GPR149: variants seen among roughly 807,000 people sequenced by gnomAD.
GPR149 encodes the protein G protein-coupled receptor 149.
Under a neutral mutation model 50.2 loss-of-function variants are expected in GPR149, and 50 were observed. That is an observed-to-expected ratio of 1.00 (90% CI 0.79 to 1.26). The LOEUF is 1.26. Among genes scored for constraint, GPR149 ranks in the 50% most tolerant of loss-of-function variants. The probability of loss-of-function intolerance (pLI) is 0.00; values close to 1 mark genes in which losing one functional copy is unlikely to be tolerated. For missense variants in GPR149, 983 were observed against 895.4 expected (o/e 1.10, Z -1.25); for synonymous variants, 405 against 358.2 (o/e 1.13, Z -1.48).
At chr3:154,377,803 T>C (rs1714827714) in intron 3 of GPR149, among the ~76,000 whole-genome samples, 1 of 152,204 alleles carries the variant, frequency 6.6e-6, no homozygotes. Context: ...AATCCAGTTT[T>C]AGAACAGTTC....
At position 154,428,724 on chromosome 3, in the gene GPR149, C is replaced by T. The variant is rs751613703; in HGVS notation, c.892G>A (p.Gly298Ser). ...ACGCTCACGGTGAAGCTCCTGGTGC[C>T]ATAGAGAGTCCCCCGGTTCTCACGC... is the stretch of plus-strand genomic sequence containing the variant. ...CRRENRGTLY[G>S]TRSFTVSVAQ... Residue 298 changes from glycine to serine, a missense_variant, in exon 1 of 4, where the codon GGC becomes AGC. Transcript: ENST00000389740. The T allele has an allele frequency of 1.9e-6, 3 of 1,614,160 alleles. No homozygotes were observed. The highest frequency in any genetic ancestry group is 2.5e-6 in the Non-Finnish European group (3 of 1,180,044).
In GPR149 at chr3:154,429,428, T is replaced by A. The variant is rs371797962; in HGVS notation, c.188A>T (p.Asn63Ile). 1 of 1,614,020 alleles carries A rather than the reference T, an allele frequency of 6.2e-7. No homozygotes were observed. Among genetic ancestry groups the A allele is most frequent in the Non-Finnish European group, 8.5e-7 (1 of 1,180,036 alleles). Residue 63 changes from asparagine to isoleucine, a missense_variant, in exon 1 of 4, where the codon AAC becomes ATC. Asn to Ile is a moderately radical substitution (Grantham distance 149). Coordinates refer to ENST00000389740, the MANE Select transcript of GPR149 (RefSeq NM_001038705.3). ...YSLISLLKMQ[N>I]RTVVSMLVAS... ...CACAAGCATGGACACAACAGTTCTG[T>A]TCTGCATTTTCAGCAGGGAAATTAG...
chr3:154,396,005 A>G (rs886721054), intron 3 of GPR149, among the ~76,000 whole-genome samples: 3 of 152,200 alleles, frequency 2.0e-5, no homozygotes, highest in African/African-American at 7.2e-5. Flanking sequence ...CTAAGTCTAA[A>G]AAGCACTGAG....
intron 3 of GPR149, among the ~76,000 whole-genome samples, chr3:154,399,386 C>CTATT (rs1715368021): frequency 6.6e-6 from 1 of 152,128 alleles, no homozygotes; most frequent in South Asian, 2.1e-4. Context: ...CGAATAAATG[C>CTATT]TATTATAAAT....
chr3:154,410,175 A>T (rs1711795660), intron 3 of GPR149, among the ~76,000 whole-genome samples: 1 of 152,174 alleles, frequency 6.6e-6, no homozygotes, highest in Admixed American at 6.5e-5. Flanking sequence ...TCAGACAAAC[A>T]AATGCTGAGA....
intron 3 of GPR149, among the ~76,000 whole-genome samples, chr3:154,369,779 A>G (rs1039261662): frequency 1.3e-5 from 2 of 152,254 alleles, no homozygotes; most frequent in African/African-American, 4.8e-5. Flanking sequence ...CAGTCCTTTG[A>G]TCTAACATGG....
intron 2 of GPR149, 152 bp downstream of exon 2, chr3:154,427,364 T>G: frequency 1.7e-6 from 1 of 605,058 alleles, no homozygotes; most frequent in Non-Finnish European, 2.8e-6. Context: ...GTTGTAGTGA[T>G]TGTTTCATGT....
intron 2 of GPR149, among the ~76,000 whole-genome samples, chr3:154,427,286 T>C (rs374182544): frequency 8.5e-5 from 13 of 152,116 alleles, no homozygotes; most frequent in African/African-American, 3.1e-4. Context: ...CTAAAATAAT[T>C]ATTCAGTACC....
At chr3:154,404,471 A>T (rs1338948873) in intron 3 of GPR149, among the ~76,000 whole-genome samples, 2 of 152,330 alleles carry the variant, frequency 1.3e-5, no homozygotes, top group East Asian at 3.9e-4. Flanking sequence ...ATAATACCCA[A>T]ATCTCACTCC....
intron 3 of GPR149, chr3:154,353,224 A>G (rs1360244306): frequency 1.3e-6 from 2 of 1,525,834 alleles, no homozygotes; most frequent in Non-Finnish European, 1.8e-6. Flanking sequence ...CTCTGAGACC[A>G]ATGACACTGA....
chr3:154,342,020 T>C (rs1255705244), intron 3 of GPR149, among the ~76,000 whole-genome samples: 3 of 152,186 alleles, frequency 2.0e-5, no homozygotes, highest in African/African-American at 7.2e-5. Flanking sequence ...CATTACAAAA[T>C]TAAGTTAGAT....
At position 154,428,887 on chromosome 3, in the gene GPR149, A is replaced by G; in HGVS notation, c.729T>C (p.Pro243=). The part of the protein sequence containing the change: ...SRGASIPGTP[P]TAGRVVSLSP... ...ACAGGGAAACCACTCTCCCCGCAGT[A>G]GGAGGGGTCCCAGGAATTGAAGCTC... The change falls in exon 1 of 4, where the codon CCT becomes CCC. Residue 243 remains proline (P), a synonymous_variant. Transcript: ENST00000389740. 6.2e-7 allele frequency: 1 copy of G among 1,613,990 alleles called. No individual in the cohort carries two copies.
intron 3 of GPR149, among the ~76,000 whole-genome samples, chr3:154,416,031 G>T (rs2108426578): frequency 6.6e-6 from 1 of 151,856 alleles, no homozygotes; most frequent in East Asian, 1.9e-4. Context: ...ACAAGTTTAG[G>T]CATCTTCATT....
intron 3 of GPR149, among the ~76,000 whole-genome samples, chr3:154,340,604 T>C (rs1414406247): frequency 2.6e-5 from 4 of 152,200 alleles, no homozygotes; most frequent in Non-Finnish European, 2.9e-5. Context: ...AATGTAGTAA[T>C]TGAGAGATAG....
intron 3 of GPR149, among the ~76,000 whole-genome samples, chr3:154,359,121 T>C (rs998292467): frequency 6.6e-6 from 1 of 152,192 alleles, no homozygotes; most frequent in Non-Finnish European, 1.5e-5. Context: ...TTCTCAGTTT[T>C]TTTTTGTGCA....
At chr3:154,408,233 T>C (rs936932180) in intron 3 of GPR149, among the ~76,000 whole-genome samples, 1 of 152,190 alleles carries the variant, frequency 6.6e-6, no homozygotes, top group African/African-American at 2.4e-5. Flanking sequence ...CAGCTCCCAC[T>C]CAGATGGACA....
intron 3 of GPR149, among the ~76,000 whole-genome samples, chr3:154,385,740 C>T (rs1041310235): frequency 4.7e-5 from 7 of 148,764 alleles, no homozygotes; most frequent in East Asian, 3.9e-4. Context: ...CTTGCTCTGT[C>T]GCCCAGGCTG....
chr3:154,355,025 C>A (rs895443105), intron 3 of GPR149, among the ~76,000 whole-genome samples: 1 of 151,992 alleles, frequency 6.6e-6, no homozygotes, highest in Non-Finnish European at 1.5e-5. Flanking sequence ...ACTTAAGTTA[C>A]TATATTTATT....
intron 3 of GPR149, among the ~76,000 whole-genome samples, chr3:154,416,801 A>C (rs546798790): frequency 6.6e-6 from 1 of 151,980 alleles, no homozygotes; most frequent in East Asian, 1.9e-4. Context: ...CTCATTTGAG[A>C]GGGAATATTT....
Sources: allele counts gnomAD v4.1 joint callset (sites outside exome capture counted in the v4.1 genomes callset), GRCh38; gene constraint gnomAD v4.1.1; transcripts MANE v1.5; gene names NCBI Gene and HGNC (gene_info 2026-07-23, HGNC 2026-07-21).